Variants in NCOR1 observed in about 807,000 individuals in gnomAD.
NCOR1 encodes protein phosphatase 1, regulatory subunit 109.
NCOR1 carries 63 observed loss-of-function variants against 288.1 expected under a neutral mutation model. The ratio of observed to expected loss-of-function variants is 0.22; its 90% CI spans 0.18 to 0.27. The LOEUF (loss-of-function observed/expected upper bound fraction) is 0.27. Ranked by LOEUF, NCOR1 falls within the 10% of genes least tolerant of loss-of-function variation. The pLI is 1.00. For synonymous variants in NCOR1, 1,007 were observed against 1,065.9 expected (o/e 0.94, Z 1.08); for missense variants, 2,397 against 3,019.2 (o/e 0.79, Z 4.83).
At chr17:16,213,282 G>A (rs1242484230) in intron 1 of NCOR1, among the ~76,000 whole-genome samples, 2 of 151,672 alleles carry the variant, frequency 1.3e-5, no homozygotes, top group African/African-American at 2.4e-5. Flanking sequence ...CACGAGGTCA[G>A]GAGATTGAGA....
intron 18 of NCOR1, among the ~76,000 whole-genome samples, chr17:16,114,207 T>G (rs1473643066): frequency 7.1e-6 from 1 of 139,868 alleles, no homozygotes; most frequent in Non-Finnish European, 1.5e-5. Flanking sequence ...AACCAGTAGA[T>G]CTCCTAAGAC....
At chr17:16,186,781 G>T in intron 2 of NCOR1, 94 bp from the exon 3 acceptor site, 3 of 1,099,490 alleles carry the variant, frequency 2.7e-6, no homozygotes, top group Non-Finnish European at 4.0e-6. Context: ...GGGCCACTAA[G>T]TATGGAAAGA....
intron 6 of NCOR1, among the ~76,000 whole-genome samples, chr17:16,156,436 GA>G (rs973635092): frequency 4.4e-5 from 4 of 91,130 alleles, no homozygotes; most frequent in Admixed American, 2.8e-4. Flanking sequence ...ACTCTGTCTC[GA>G]AAAAAAAAAG....
chr17:16,047,208 G>GT (rs1196892717), intron 41 of NCOR1, 115 bp from the exon 42 acceptor site: 1 of 1,080,920 alleles, frequency 9.3e-7, no homozygotes, highest in Non-Finnish European at 1.3e-6. Context: ...TCCTCATCCT[G>GT]TGTTTGTGGT....
At chr17:16,083,060 G>T (rs1045218219) in intron 23 of NCOR1, among the ~76,000 whole-genome samples, 5 of 151,838 alleles carry the variant, frequency 3.3e-5, no homozygotes, top group African/African-American at 7.3e-5. Context: ...GTGAAACCCC[G>T]TCTCTACTAA....
At chr17:16,118,646 A>C (rs545495428) in intron 17 of NCOR1, among the ~76,000 whole-genome samples, 7 of 152,330 alleles carry the variant, frequency 4.6e-5, no homozygotes, top group South Asian at 2.1e-4. Flanking sequence ...ATTTGTATAC[A>C]TATATAAGGG....
intron 5 of NCOR1, among the ~76,000 whole-genome samples, chr17:16,159,273 C>T (rs2080334104): frequency 6.6e-6 from 1 of 151,734 alleles, no homozygotes; most frequent in Non-Finnish European, 1.5e-5. Context: ...ATTAGCTGGG[C>T]ATGGTGGCGC....
chr17:16,109,950 T>A lies in NCOR1; in HGVS notation c.2056-1038A>T, dbSNP rs566990706. On this transcript the variant is annotated intron_variant, in intron 18 of 45. Transcript: ENST00000268712. ...GGTTTCACCATCTTGGCCAGGCTGG[T>A]CTTGAACTCCTGACCTCGTGATCCA... 2.6e-5 allele frequency among the ~76,000 whole-genome samples: 4 copies of A among 152,248 alleles called. No individual in the cohort carries two copies. In the East Asian group the frequency reaches 7.7e-4, roughly 29 times the overall value.
At chr17:16,138,062 G>A (rs1194621587) in intron 13 of NCOR1, 96 bp downstream of exon 13, 10 of 930,144 alleles carry the variant, frequency 1.1e-5, no homozygotes, top group South Asian at 9.1e-5. Context: ...TTTAAAATCG[G>A]TTCTAGTTAA....
chr17:16,070,641 G>T (rs2152727610), intron 30 of NCOR1, 116 bp from the exon 31 acceptor site: 1 of 1,393,984 alleles, frequency 7.2e-7, no homozygotes, highest in Admixed American at 2.2e-5. Context: ...TTTTTGGTCT[G>T]TTTACAAATC....
intron 15 of NCOR1, among the ~76,000 whole-genome samples, chr17:16,122,176 A>C (rs1231187244): frequency 6.6e-6 from 1 of 152,138 alleles, no homozygotes; most frequent in Non-Finnish European, 1.5e-5. Context: ...ATACTGGAAG[A>C]CCATTTTCTG....
intron 21 of NCOR1, 67 bp from the exon 22 acceptor site, chr17:16,092,125 A>G: frequency 6.6e-7 from 1 of 1,520,534 alleles, no homozygotes; most frequent in Non-Finnish European, 9.0e-7. Context: ...CTTAACAAGT[A>G]ATGTAATGCT....
chr17:16,092,695 A>ATATATATTTTT (rs1567961490), intron 21 of NCOR1, among the ~76,000 whole-genome samples: 1 of 22,602 alleles, frequency 4.4e-5, no homozygotes, highest in African/African-American at 2.1e-4. Flanking sequence ...ATATATATAT[A>ATATATATTTTT]TTTTTTTTTT....
At chr17:16,125,906 G>A (rs751206713) in intron 15 of NCOR1, among the ~76,000 whole-genome samples, 176 bp downstream of exon 15, 2 of 151,834 alleles carry the variant, frequency 1.3e-5, no homozygotes, top group Non-Finnish European at 2.9e-5. Flanking sequence ...GGTGCGAGGG[G>A]GTGGGTGAGG....
intron 3 of NCOR1, among the ~76,000 whole-genome samples, chr17:16,180,404 C>T (rs763408417): frequency 2.0e-5 from 3 of 152,072 alleles, no homozygotes; most frequent in African/African-American, 4.8e-5. Flanking sequence ...TACTATAGAC[C>T]CAGCAATCCC....
rs969348344 is a variant in NCOR1, at chr17:16,029,276, C to G, written c.*3020G>C. ...GACAGTCTCTTCATGTGGGTGTTTTCATTACAGTTCATTTACACTGTTGTA... is the reference window on the plus strand; with the variant it reads ...GACAGTCTCTTCATGTGGGTGTTTTGATTACAGTTCATTTACACTGTTGTA... On this transcript the variant is annotated 3_prime_UTR_variant, in exon 46 of 46. Transcript: ENST00000268712. The G allele has an allele frequency of 1.1e-5, 5 of 452,884 alleles. No homozygotes were observed. Among genetic ancestry groups the G allele is most frequent in the Non-Finnish European group, 2.2e-5 (5 of 226,492 alleles). 28.1% of individuals were successfully genotyped at this position (452,884 alleles called of 1,614,324 possible).
At chr17:16,155,379 A>ACACACC (rs2079581400) in intron 6 of NCOR1, among the ~76,000 whole-genome samples, 1 of 151,140 alleles carries the variant, frequency 6.6e-6, no homozygotes, top group African/African-American at 2.4e-5. Flanking sequence ...ATACACACAC[A>ACACACC]CACACACACA....
At chr17:16,072,379 TA>T (rs768551337) in intron 28 of NCOR1, 151 bp from the exon 29 acceptor site, 1 of 486,106 alleles carries the variant, frequency 2.1e-6, no homozygotes, top group Non-Finnish European at 3.5e-6. Context: ...CAGAAGTACC[TA>T]ATATGACATC....
intron 20 of NCOR1, among the ~76,000 whole-genome samples, chr17:16,100,852 T>C (rs1236499188): frequency 6.6e-6 from 1 of 152,238 alleles, no homozygotes; most frequent in African/African-American, 2.4e-5. Context: ...CTGGTAGGCC[T>C]TGTTTTGAGG....
Sources: gnomAD v4.1 joint callset for allele counts (sites outside exome capture counted in the v4.1 genomes callset) on GRCh38, gnomAD v4.1.1 for gene constraint, MANE v1.5 for transcripts, NCBI Gene and HGNC (gene_info 2026-07-23, HGNC 2026-07-21) for gene names.